CSMD1: variants seen among roughly 807,000 people sequenced by gnomAD.
CSMD1 encodes CUB and Sushi multiple domains 1.
Under a neutral mutation model 417.5 loss-of-function variants are expected in CSMD1, and 213 were observed. The ratio of observed to expected loss-of-function variants is 0.51; its 90% CI spans 0.46 to 0.57. The LOEUF is 0.57. Ranked by LOEUF, CSMD1 falls within the 20% of genes least tolerant of loss-of-function variation. The pLI, the probability that CSMD1 is intolerant of heterozygous loss-of-function variation, is 0.00. For missense variants in CSMD1, 6,923 were observed against 4,529.7 expected (o/e 1.53, Z -15.17); for synonymous variants, 2,862 against 1,736.8 (o/e 1.65, Z -16.11).
intron 7 of CSMD1, among the ~76,000 whole-genome samples, 166 bp from the exon 8 acceptor site, chr8:3,616,963 T>G (rs1013809429): frequency 2.1e-5 from 3 of 142,910 alleles, no homozygotes; most frequent in African/African-American, 7.7e-5. Flanking sequence ...GTTTATATTC[T>G]GATTGGTGAA....
intron 7 of CSMD1, among the ~76,000 whole-genome samples, chr8:3,672,589 T>C (rs1321864076): frequency 1.3e-5 from 2 of 152,182 alleles, no homozygotes; most frequent in Non-Finnish European, 2.9e-5. Flanking sequence ...CAATAATGTG[T>C]TTACATTTGG....
intron 3 of CSMD1, among the ~76,000 whole-genome samples, chr8:4,054,115 G>C (rs1400152253): frequency 6.6e-6 from 1 of 152,088 alleles, no homozygotes; most frequent in African/African-American, 2.4e-5. Flanking sequence ...TGGTCTCTAA[G>C]CAGCCATTCT....
chr8:4,314,028 A>T (rs923413395), intron 3 of CSMD1, among the ~76,000 whole-genome samples: 1 of 150,728 alleles, frequency 6.6e-6, no homozygotes, highest in Non-Finnish European at 1.5e-5. Flanking sequence ...TAATAATAAT[A>T]ATAATAATGA....
chr8:3,575,420 CAG>C (rs1226199408), intron 9 of CSMD1, among the ~76,000 whole-genome samples: 2 of 152,090 alleles, frequency 1.3e-5, no homozygotes, highest in African/African-American at 4.8e-5. Flanking sequence ...TGTCGTTGTT[CAG>C]AGAGTCTCCA....
At chr8:4,989,984 G>T (rs1258754229) in intron 1 of CSMD1, among the ~76,000 whole-genome samples, 1 of 152,168 alleles carries the variant, frequency 6.6e-6, no homozygotes, top group African/African-American at 2.4e-5. Flanking sequence ...CTGTGGTTGT[G>T]GCAGTCGTCT....
At chr8:4,077,734 T>C (rs1799908944) in intron 3 of CSMD1, among the ~76,000 whole-genome samples, 1 of 152,200 alleles carries the variant, frequency 6.6e-6, no homozygotes, top group South Asian at 2.1e-4. Flanking sequence ...ATTTGCTCTT[T>C]ATTCTCTTGT....
At chr8:3,401,567 G>C (rs989058867) in intron 15 of CSMD1, among the ~76,000 whole-genome samples, 2 of 152,116 alleles carry the variant, frequency 1.3e-5, no homozygotes, top group Non-Finnish European at 2.9e-5. Flanking sequence ...GTATTAGTCA[G>C]TTTGGATTAG....
intron 10 of CSMD1, among the ~76,000 whole-genome samples, chr8:3,572,322 A>T (rs1432514115): frequency 1.3e-5 from 2 of 152,122 alleles, no homozygotes; most frequent in Non-Finnish European, 2.9e-5. Context: ...GGAGCAGTTG[A>T]GGGAGGGCTG....
intron 6 of CSMD1, 23 bp downstream of exon 6, chr8:3,753,907 C>G: frequency 3.7e-6 from 5 of 1,356,106 alleles, no homozygotes; most frequent in East Asian, 2.4e-5. Context: ...TTTTTTTTTT[C>G]TTATAAGATG....
intron 3 of CSMD1, among the ~76,000 whole-genome samples, chr8:4,283,631 G>A (rs1035475649): frequency 6.6e-6 from 1 of 152,164 alleles, no homozygotes; most frequent in African/African-American, 2.4e-5. Flanking sequence ...CCCAAGAAAT[G>A]TGGGTAGAGA....
At chr8:3,862,104 A>AT (rs982973590) in intron 5 of CSMD1, among the ~76,000 whole-genome samples, 7 of 152,030 alleles carry the variant, frequency 4.6e-5, no homozygotes, top group South Asian at 4.2e-4. Flanking sequence ...ATACACTATC[A>AT]TTTTTTTCAA....
chr8:3,387,799 GCAAGTGAACCCAA>G, intron 17 of CSMD1, 117 bp from the exon 18 acceptor site: 1 of 819,808 alleles, frequency 1.2e-6, no homozygotes, highest in Non-Finnish European at 1.9e-6. Flanking sequence ...GAAACATTAT[GCAAGTGAACCCAA>G]CAATCCATGG....
At position 4,021,192 on chromosome 8, in the gene CSMD1, A is replaced by G. The variant is rs78475899; in HGVS notation, c.610+10713T>C. ...TGGCTAGTCAGCATTGCAAAATGGC[A>G]TAACTGAAATACACATCAGATTTTG... is the stretch of plus-strand genomic sequence containing the variant. On this transcript the variant is annotated intron_variant, in intron 4 of 69. Coordinates refer to ENST00000635120, the MANE Select transcript of CSMD1 (RefSeq NM_033225.6). Among the ~76,000 whole-genome samples the G allele has an allele frequency of 4.9e-3, 749 of 152,354 alleles. 3 individuals carry two copies. Among genetic ancestry groups the G allele is most frequent in the Non-Finnish European group, 8.4e-3 (572 of 68,030 alleles).
At chr8:3,528,701 G>C (rs1797856020) in intron 10 of CSMD1, among the ~76,000 whole-genome samples, 1 of 152,182 alleles carries the variant, frequency 6.6e-6, no homozygotes, top group African/African-American at 2.4e-5. Flanking sequence ...AAATGTCAGT[G>C]CATATGGAAA....
At position 4,314,226 on chromosome 8, in the gene CSMD1, A is replaced by C. The variant is rs1278070255; in HGVS notation, c.415+105727T>G. On this transcript the variant is annotated intron_variant, in intron 3 of 69. Coordinates refer to ENST00000635120, the MANE Select transcript of CSMD1 (RefSeq NM_033225.6). Reference sequence around the variant, plus strand: ...AAGACTGCAGTCACGTTAATAGTTAAGTCACAACACAATGCCACATGGAAT... The same window carrying C: ...AAGACTGCAGTCACGTTAATAGTTACGTCACAACACAATGCCACATGGAAT... 3.3e-5 allele frequency among the ~76,000 whole-genome samples: 5 copies of C among 152,152 alleles called. No individual in the cohort carries two copies. The South Asian group carries it at 1.0e-3, about 32-fold the overall frequency.
intron 5 of CSMD1, among the ~76,000 whole-genome samples, chr8:3,890,179 A>G (rs1563181951): frequency 6.6e-6 from 1 of 152,180 alleles, no homozygotes; most frequent in Non-Finnish European, 1.5e-5. Flanking sequence ...TGATAACTAA[A>G]GTATCATATT....
At chr8:3,548,103 T>G (rs1272133165) in intron 10 of CSMD1, among the ~76,000 whole-genome samples, 1 of 152,128 alleles carries the variant, frequency 6.6e-6, no homozygotes, top group East Asian at 1.9e-4. Flanking sequence ...AAAAATACCG[T>G]GCTCAGAAGA....
At chr8:4,836,620 T>C (rs757621547) in intron 1 of CSMD1, among the ~76,000 whole-genome samples, 1 of 152,246 alleles carries the variant, frequency 6.6e-6, no homozygotes, top group Non-Finnish European at 1.5e-5. Flanking sequence ...ACTCTGCTTT[T>C]GTTCTTACTC....
chr8:4,228,265 T>A (rs551052340), intron 3 of CSMD1, among the ~76,000 whole-genome samples: 1 of 152,356 alleles, frequency 6.6e-6, no homozygotes, highest in Non-Finnish European at 1.5e-5. Context: ...TCCTTTCCAG[T>A]CACAGGCCCT....
Sources: gnomAD v4.1 joint callset for allele counts (sites outside exome capture counted in the v4.1 genomes callset) on GRCh38, gnomAD v4.1.1 for gene constraint, MANE v1.5 for transcripts, NCBI Gene and HGNC (gene_info 2026-07-23, HGNC 2026-07-21) for gene names.